The following AXDND1 variants were observed in gnomAD, a reference collection of about 807,000 sequenced individuals.
AXDND1 encodes the protein axonemal dynein light chain domain-containing protein 1.
A neutral mutation model predicts 137.5 loss-of-function variants in AXDND1; 110 were observed. The observed-to-expected ratio is 0.80, with a 90% confidence interval of 0.69 to 0.94. AXDND1 has a LOEUF of 0.94. AXDND1 is among the 40% of genes least tolerant of loss of function. The probability of loss-of-function intolerance (pLI) is 0.00; values close to 1 mark genes in which losing one functional copy is unlikely to be tolerated. For missense variants in AXDND1, 1,191 were observed against 1,169.8 expected (o/e 1.02, Z -0.26); for synonymous variants, 414 against 399.7 (o/e 1.04, Z -0.43).
chr1:179,505,692 CT>C (rs2125629194), intron 20 of AXDND1, among the ~76,000 whole-genome samples: 1 of 151,996 alleles, frequency 6.6e-6, no homozygotes, highest in Admixed American at 6.6e-5. Flanking sequence ...AATTGAAGAT[CT>C]CCTAGGTAAC....
chr1:179,551,695 GT>G (rs1256656032), intron 25 of AXDND1: 1 of 515,086 alleles, frequency 1.9e-6, no homozygotes, highest in East Asian at 3.3e-5. Flanking sequence ...TATTAGGGGA[GT>G]TATTAGCATC....
intron 20 of AXDND1, among the ~76,000 whole-genome samples, chr1:179,500,295 T>C (rs1667862616): frequency 1.3e-5 from 2 of 151,498 alleles, no homozygotes; most frequent in Admixed American, 6.6e-5. Flanking sequence ...TTAATGGCTA[T>C]ATATGTATAT....
chr1:179,508,110 A>C (rs1021805684), intron 20 of AXDND1, among the ~76,000 whole-genome samples: 2 of 152,218 alleles, frequency 1.3e-5, no homozygotes, highest in African/African-American at 4.8e-5. Flanking sequence ...TCATGCCTGT[A>C]ATCCCAGCAT....
intron 9 of AXDND1, among the ~76,000 whole-genome samples, chr1:179,388,976 C>CTTTTTTTTTTTTTTT (rs11373996): frequency 1.8e-5 from 2 of 112,532 alleles, no homozygotes; most frequent in African/African-American, 3.5e-5. Flanking sequence ...TTTTTAGATT[C>CTTTTTTTTTTTTTTT]TTTTTTTTTT....
chr1:179,465,132 T>G (rs1346190176), intron 16 of AXDND1, among the ~76,000 whole-genome samples: 4 of 152,246 alleles, frequency 2.6e-5, no homozygotes, highest in Non-Finnish European at 5.9e-5. Flanking sequence ...CTCATCAAAG[T>G]CATTCTCCAT....
intron 2 of AXDND1, among the ~76,000 whole-genome samples, chr1:179,366,834 A>T (rs1667469316): frequency 6.6e-6 from 1 of 152,092 alleles, no homozygotes; most frequent in South Asian, 2.1e-4. Flanking sequence ...TCAAATGTTG[A>T]TTTATATATG....
chr1:179,520,872 TTA>T (rs939994184), intron 21 of AXDND1, among the ~76,000 whole-genome samples: 2 of 148,080 alleles, frequency 1.4e-5, no homozygotes, highest in Non-Finnish European at 3.0e-5. Context: ...ATATATACAG[TTA>T]TATATATATA....
rs1430345412 is a variant in AXDND1 at position 179,525,429 on chromosome 1, TAAAG to T, written c.2594_2597del (p.Lys865ArgfsTer59). On this transcript the variant is annotated frameshift_variant, in exon 22 of 26. Coordinates refer to ENST00000367618, the MANE Select transcript of AXDND1 (RefSeq NM_144696.6). LOFTEE classifies it high-confidence loss of function. The stretch of plus-strand genomic sequence containing the variant: ...AGGATAGGAAACTTCAGGAGGAAAA[TAAAG>T]AGAGAGCAGAAGAAGTAAGATTATT... 3.7e-6 allele frequency: 6 copies of T among 1,609,944 alleles called. No homozygotes were observed. The highest frequency in any genetic ancestry group is 3.4e-5 in the Admixed American group (2 of 59,600).
chr1:179,371,552 T>C (rs888731321), intron 4 of AXDND1, among the ~76,000 whole-genome samples: 1 of 152,136 alleles, frequency 6.6e-6, no homozygotes, highest in Admixed American at 6.6e-5. Context: ...TTCACTGTAG[T>C]CTCAGAACCT....
At chr1:179,504,160 T>G (rs1308306249) in intron 20 of AXDND1, among the ~76,000 whole-genome samples, 2 of 152,158 alleles carry the variant, frequency 1.3e-5, no homozygotes, top group Non-Finnish European at 2.9e-5. Flanking sequence ...CATCTAAGAG[T>G]TGAATGAAAT....
chr1:179,423,539 GT>G (rs140974094), intron 12 of AXDND1, among the ~76,000 whole-genome samples: 2,671 of 151,954 alleles, frequency 0.018, 65 homozygotes, highest in African/African-American at 0.059. Flanking sequence ...TTGTGATTAA[GT>G]GGTTATCTCT....
Position 179,554,702 on chromosome 1 carries a change from A to T in AXDND1, c.*183A>T. 1.2e-6 allele frequency: 1 copy of T among 821,784 alleles called. No homozygotes were observed. The highest frequency in any genetic ancestry group is 2.0e-6 in the Non-Finnish European group (1 of 494,198). The allele number at this position is 821,784 out of a possible 1,614,324, so 50.9% of individuals were successfully genotyped here. A position where few individuals can be genotyped will look rare whatever the true frequency, so the allele number is the denominator to read the frequency against. On this transcript the variant is annotated 3_prime_UTR_variant, in exon 26 of 26. Transcript: ENST00000367618. Reference sequence around the variant, plus strand: ...CCTTGCAAAGAGTTGTTTAACTTGCATGGTGCCACCCAATAAATATCTGTG... The same window carrying T: ...CCTTGCAAAGAGTTGTTTAACTTGCTTGGTGCCACCCAATAAATATCTGTG...
chr1:179,419,225 C>T (rs1190002894), intron 12 of AXDND1, among the ~76,000 whole-genome samples: 1 of 151,876 alleles, frequency 6.6e-6, no homozygotes, highest in Non-Finnish European at 1.5e-5. Flanking sequence ...GGCAGCCGGG[C>T]AGAGGCTGCA....
At chr1:179,441,150 C>G (rs1025302462) in intron 15 of AXDND1, among the ~76,000 whole-genome samples, 1 of 152,110 alleles carries the variant, frequency 6.6e-6, no homozygotes, top group Non-Finnish European at 1.5e-5. Context: ...TCTCGTTACC[C>G]GGCAGGAGAG....
intron 18 of AXDND1, among the ~76,000 whole-genome samples, chr1:179,488,067 CTA>C (rs201422529): frequency 0.019 from 2,569 of 136,440 alleles, 382 homozygotes; most frequent in African/African-American, 0.068. Flanking sequence ...TTTAAATTAA[CTA>C]GTAATTTTTT....
chr1:179,545,777 T>G (rs1672586717), intron 25 of AXDND1: 1 of 152,192 alleles, frequency 6.6e-6, no homozygotes. Flanking sequence ...TCAGCTCCAT[T>G]GCGTAGAAGG....
chr1:179,414,967 T>A (rs564257234), intron 12 of AXDND1, among the ~76,000 whole-genome samples: 2 of 87,006 alleles, frequency 2.3e-5, no homozygotes, highest in African/African-American at 7.4e-5. Context: ...CAGAATAGAA[T>A]AGAAAAAGGT....
chr1:179,410,083 A>T (rs572048729), intron 11 of AXDND1, among the ~76,000 whole-genome samples: 1 of 152,280 alleles, frequency 6.6e-6, no homozygotes, highest in Non-Finnish European at 1.5e-5. Context: ...ATTCACCTGT[A>T]TAAGTTTTTT....
At chr1:179,416,187 C>T (rs1654683115) in intron 12 of AXDND1, among the ~76,000 whole-genome samples, 1 of 152,162 alleles carries the variant, frequency 6.6e-6, no homozygotes, top group South Asian at 2.1e-4. Context: ...TACTTGCAAT[C>T]TTTGTCTTTC....
Sources: allele counts gnomAD v4.1 joint callset (sites outside exome capture counted in the v4.1 genomes callset), GRCh38; gene constraint gnomAD v4.1.1; transcripts MANE v1.5; gene names NCBI Gene and HGNC (gene_info 2026-07-23, HGNC 2026-07-21).